ZNF695: variants seen among roughly 807,000 people sequenced by gnomAD.
ZNF695 encodes zinc finger protein SBZF3.
In ZNF695, 11 loss-of-function variants were observed where a neutral mutation model predicts 11.2. The observed-to-expected ratio is 0.98, with a 90% CI of 0.62 to 1.62. The LOEUF is 1.62. Among genes scored for constraint, ZNF695 ranks in the 40% most tolerant of loss-of-function variants. The pLI is 0.00. For missense variants in ZNF695, 559 were observed against 590.5 expected (o/e 0.95, Z 0.55); for synonymous variants, 190 against 201.4 (o/e 0.94, Z 0.48).
downstream of ZNF695, among the ~76,000 whole-genome samples, chr1:246,980,737 T>G (rs962508663): frequency 6.6e-5 from 10 of 152,220 alleles, no homozygotes; most frequent in East Asian, 1.9e-3. Context: ...CATTTTTGAG[T>G]GTACATTTTA....
intron 3 of ZNF695, among the ~76,000 whole-genome samples, chr1:246,995,461 C>T (rs181614216): frequency 1.3e-5 from 2 of 152,138 alleles, no homozygotes; most frequent in African/African-American, 4.8e-5. Context: ...TTACACAGTG[C>T]GTGAAGGAAC....
chr1:246,949,380 C>G (rs936878381), intron 5 of ZNF695, among the ~76,000 whole-genome samples: 1 of 152,058 alleles, frequency 6.6e-6, no homozygotes, highest in Non-Finnish European at 1.5e-5. Flanking sequence ...CATCTGAGGT[C>G]AGGAGTTCAA....
intron 5 of ZNF695, among the ~76,000 whole-genome samples, chr1:246,949,145 C>T (rs140545138): frequency 1.3e-5 from 2 of 152,092 alleles, no homozygotes; most frequent in Non-Finnish European, 2.9e-5. Context: ...AGTAATGAAA[C>T]AGAAGGACCC....
At chr1:246,998,884 C>T (rs1669280813) in intron 3 of ZNF695, among the ~76,000 whole-genome samples, 1 of 152,066 alleles carries the variant, frequency 6.6e-6, no homozygotes, top group South Asian at 2.1e-4. Flanking sequence ...AGGGGAATCG[C>T]TTGAACCCAG....
rs149579724 is a variant in ZNF695 at position 246,993,266 on chromosome 1, G to C, written c.260-5011C>G. On this transcript the variant is annotated intron_variant, in intron 3 of 3. Transcript: ENST00000339986. ...TACTAAAAATACAAAAATTAGCCAG[G>C]CATAGTGGCACGTGGCTATAATCCC... Among the ~76,000 whole-genome samples, 666 of 152,186 alleles carry C rather than the reference G, an allele frequency of 4.4e-3. 4 individuals carry two copies. The highest frequency in any genetic ancestry group is 0.015 in the African/African-American group (623 of 41,536).
chr1:246,986,312 C>G lies in ZNF695; in HGVS notation c.*655G>C. 1.1e-6 allele frequency: 1 copy of G among 944,220 alleles called. No individual in the cohort carries two copies. Among genetic ancestry groups the G allele is most frequent in the Non-Finnish European group, 1.3e-6 (1 of 792,390 alleles). The allele number at this position is 944,220 out of a possible 1,614,324, so 58.5% of individuals were successfully genotyped here. On this transcript the variant is annotated 3_prime_UTR_variant, in exon 4 of 4. Transcript: ENST00000339986. The stretch of plus-strand genomic sequence containing the variant: ...CAAACTCCTGGGCTCAAGCAATCCC[C>G]CGACCTCGGCATCCAAAAGTGCAGC...
intron 5 of ZNF695, among the ~76,000 whole-genome samples, chr1:246,960,556 A>G (rs2103005061): frequency 6.6e-6 from 1 of 152,332 alleles, no homozygotes; most frequent in South Asian, 2.1e-4. Context: ...TACAAGACCT[A>G]CTTGGCCATG....
At position 246,985,454 on chromosome 1, in the gene ZNF695, G is replaced by A. The variant is rs2103021562; in HGVS notation, c.*1513C>T. The stretch of plus-strand genomic sequence containing the variant: ...AAATTATTTGAAGTTTAATGCCACT[G>A]GGAGAAGGGATCATTAGAGATACTA... On this transcript the variant is annotated 3_prime_UTR_variant, in exon 4 of 4. Coordinates refer to ENST00000339986, the MANE Select transcript of ZNF695 (RefSeq NM_020394.5). 1.0e-6 allele frequency: 1 copy of A among 985,262 alleles called. No individual in the cohort carries two copies. Among genetic ancestry groups the A allele is most frequent in the African/African-American group, 1.7e-5 (1 of 57,310 alleles). 61.0% of individuals were successfully genotyped at this position (985,262 alleles called of 1,614,324 possible).
At chr1:246,984,151 C>CCA (rs1668781446), downstream of ZNF695, among the ~76,000 whole-genome samples, 2 of 20,666 alleles carry the variant, frequency 9.7e-5, no homozygotes, top group East Asian at 4.0e-3. Context: ...GACCATGTCT[C>CCA]CAAAAAAAAA....
At chr1:246,972,852 G>A (rs181510767) in intron 4 of ZNF695, among the ~76,000 whole-genome samples, 101 of 151,378 alleles carry the variant, frequency 6.7e-4, no homozygotes, top group Non-Finnish European at 1.2e-3. Flanking sequence ...AAAGAACACC[G>A]ATTTCTGCAG....
At chr1:246,988,891 C>A (rs1042188659) in intron 3 of ZNF695, among the ~76,000 whole-genome samples, 2 of 151,922 alleles carry the variant, frequency 1.3e-5, no homozygotes, top group African/African-American at 4.8e-5. Context: ...GAGATCGAGA[C>A]CGTCCTGGCC....
At chr1:246,950,376 G>C (rs1434721782) in intron 5 of ZNF695, among the ~76,000 whole-genome samples, 1 of 152,072 alleles carries the variant, frequency 6.6e-6, no homozygotes, top group African/African-American at 2.4e-5. Context: ...CAGGCCAGGG[G>C]TGGTGGCTCA....
At chr1:246,990,062 A>G (rs1020874622) in intron 3 of ZNF695, among the ~76,000 whole-genome samples, 1 of 149,088 alleles carries the variant, frequency 6.7e-6, no homozygotes, top group African/African-American at 2.5e-5. Context: ...GAGATGAACG[A>G]GGGGAAAGGG....
At chr1:247,005,785 T>A (rs1447242855) in intron 1 of ZNF695, among the ~76,000 whole-genome samples, 3 of 152,082 alleles carry the variant, frequency 2.0e-5, no homozygotes, top group Non-Finnish European at 4.4e-5. Flanking sequence ...AAGACGTAAA[T>A]CTAAGACCTC....
chr1:246,990,712 G>A (rs1429462786), intron 3 of ZNF695, among the ~76,000 whole-genome samples: 1 of 152,044 alleles, frequency 6.6e-6, no homozygotes, highest in Non-Finnish European at 1.5e-5. Context: ...CCAAATGTTA[G>A]GTCACAAAAC....
intron 4 of ZNF695, among the ~76,000 whole-genome samples, chr1:246,973,630 T>C (rs1668484297): frequency 6.6e-6 from 1 of 152,250 alleles, no homozygotes; most frequent in Non-Finnish European, 1.5e-5. Flanking sequence ...ATGATACTCT[T>C]CTATGTATTA....
At chr1:246,994,413 C>T (rs745929815) in intron 3 of ZNF695, among the ~76,000 whole-genome samples, 4 of 151,970 alleles carry the variant, frequency 2.6e-5, no homozygotes, top group African/African-American at 7.3e-5. Context: ...TGGTGGCACG[C>T]GCCTGTAACC....
At chr1:246,980,952 A>G (rs1276114411), downstream of ZNF695, among the ~76,000 whole-genome samples, 1 of 152,242 alleles carries the variant, frequency 6.6e-6, no homozygotes, top group African/African-American at 2.4e-5. Context: ...CACCAGCTAC[A>G]ATCAATGATA....
intron 2 of ZNF695, 68 bp from the exon 3 acceptor site, chr1:246,999,508 T>C: frequency 1.6e-6 from 2 of 1,263,016 alleles, no homozygotes; most frequent in Non-Finnish European, 2.3e-6. Context: ...CTATGCTCAG[T>C]AGAGAAGAGA....
Sources: gnomAD v4.1 joint callset for allele counts (sites outside exome capture counted in the v4.1 genomes callset) on GRCh38, gnomAD v4.1.1 for gene constraint, MANE v1.5 for transcripts, NCBI Gene and HGNC (gene_info 2026-07-23, HGNC 2026-07-21) for gene names.